Variants in CAMK2D observed in about 807,000 individuals in gnomAD.
CAMK2D encodes the protein calcium/calmodulin-dependent protein kinase type II subunit delta.
CAMK2D carries 37 observed loss-of-function variants against 84.0 expected under a neutral mutation model. The ratio of observed to expected loss-of-function variants is 0.44; its 90% CI spans 0.34 to 0.58. The LOEUF is 0.58. Among genes scored for constraint, CAMK2D ranks in the 20% least tolerant of loss-of-function variants. The probability of loss-of-function intolerance (pLI) is 0.02; values close to 1 mark genes in which losing one functional copy is unlikely to be tolerated. For synonymous variants in CAMK2D, 202 were observed against 212.5 expected (o/e 0.95, Z 0.43); for missense variants, 448 against 652.5 (o/e 0.69, Z 3.41).
At chr4:113,680,124 C>T (rs562854298) in intron 2 of CAMK2D, among the ~76,000 whole-genome samples, 65 of 152,074 alleles carry the variant, frequency 4.3e-4, no homozygotes, top group African/African-American at 1.5e-3. Flanking sequence ...CCAAGCCAGT[C>T]ACAAATTTTT....
intron 3 of CAMK2D, among the ~76,000 whole-genome samples, chr4:113,657,466 T>C (rs1250553879): frequency 6.6e-6 from 1 of 152,064 alleles, no homozygotes; most frequent in Non-Finnish European, 1.5e-5. Context: ...ATTTTCATGA[T>C]ATATCTAAAG....
chr4:113,639,051 T>A (rs1166436554), intron 3 of CAMK2D, among the ~76,000 whole-genome samples: 1 of 148,758 alleles, frequency 6.7e-6, no homozygotes, highest in Non-Finnish European at 1.5e-5. Flanking sequence ...GAGACCAGCC[T>A]GGGCAACATA....
intron 3 of CAMK2D, among the ~76,000 whole-genome samples, chr4:113,645,485 C>T (rs1318655402): frequency 6.6e-6 from 1 of 152,186 alleles, no homozygotes; most frequent in Admixed American, 6.5e-5. Flanking sequence ...AAAATATTTA[C>T]TATTGGGTGC....
At chr4:113,576,018 T>C (rs2098780094) in intron 4 of CAMK2D, among the ~76,000 whole-genome samples, 1 of 152,132 alleles carries the variant, frequency 6.6e-6, no homozygotes, top group African/African-American at 2.4e-5. Context: ...TACTCGGTCA[T>C]CACTTATTAA....
chr4:113,468,853 C>T (rs897703615), intron 16 of CAMK2D, among the ~76,000 whole-genome samples: 10 of 152,186 alleles, frequency 6.6e-5, no homozygotes, highest in African/African-American at 2.4e-4. Context: ...AAGCTTCTTC[C>T]ACTCCAGAGC....
chr4:113,687,748 T>C (rs1180909067), intron 2 of CAMK2D, among the ~76,000 whole-genome samples: 2 of 152,196 alleles, frequency 1.3e-5, no homozygotes, highest in African/African-American at 2.4e-5. Flanking sequence ...GCCAGTAACA[T>C]AAAAGCAGCC....
intron 3 of CAMK2D, among the ~76,000 whole-genome samples, chr4:113,654,807 T>C (rs2099191425): frequency 6.6e-6 from 1 of 151,904 alleles, no homozygotes; most frequent in South Asian, 2.1e-4. Context: ...AGATAATGTA[T>C]AGGATCTGCT....
chr4:113,612,810 A>G lies in CAMK2D; in HGVS notation c.221-3604T>C, dbSNP rs552385672. On this transcript the variant is annotated intron_variant, in intron 3 of 20. Coordinates refer to ENST00000511664, the MANE Select transcript of CAMK2D (RefSeq NM_001321571.2). ...TTCTGGAACTTTAAGTATGGAATTT[A>G]TAAGGGGGATAAAAGTGCTTCTGAG... 1.9e-4 allele frequency among the ~76,000 whole-genome samples: 29 copies of G among 152,334 alleles called. 1 individual carries two copies. Among genetic ancestry groups the G allele is most frequent in the Admixed American group, 1.6e-3 (24 of 15,294 alleles).
intron 16 of CAMK2D, among the ~76,000 whole-genome samples, chr4:113,468,945 C>T (rs753999987): frequency 5.9e-5 from 9 of 152,088 alleles, no homozygotes; most frequent in African/African-American, 2.2e-4. Context: ...TCATAGGACA[C>T]AAAGTACTTT....
At chr4:113,483,484 C>T (rs1356288193) in intron 16 of CAMK2D, among the ~76,000 whole-genome samples, 1 of 151,738 alleles carries the variant, frequency 6.6e-6, no homozygotes, top group Non-Finnish European at 1.5e-5. Context: ...CGGCTCACTT[C>T]AACCTCCGCC....
At chr4:113,477,125 C>T (rs1030621071) in intron 16 of CAMK2D, among the ~76,000 whole-genome samples, 1 of 152,116 alleles carries the variant, frequency 6.6e-6, no homozygotes, top group African/African-American at 2.4e-5. Flanking sequence ...AGTGTATTGG[C>T]CTTATCTGTA....
intron 3 of CAMK2D, among the ~76,000 whole-genome samples, chr4:113,646,986 G>A (rs573349886): frequency 2.0e-5 from 3 of 152,102 alleles, no homozygotes; most frequent in African/African-American, 4.8e-5. Context: ...CTAGTTTACC[G>A]AAAAACCTCA....
intron 10 of CAMK2D, 98 bp from the exon 11 acceptor site, chr4:113,514,011 T>A (rs2098252285): frequency 8.7e-6 from 5 of 573,150 alleles, no homozygotes; most frequent in Non-Finnish European, 1.5e-5. Flanking sequence ...TTAATGGTGC[T>A]GCACCTGCAG....
At chr4:113,594,750 G>C (rs1258675397) in intron 4 of CAMK2D, among the ~76,000 whole-genome samples, 1 of 152,100 alleles carries the variant, frequency 6.6e-6, no homozygotes, top group Admixed American at 6.6e-5. Flanking sequence ...GGAAGAAAAA[G>C]ACTGATAAAA....
chr4:113,711,687 C>T (rs182465853), intron 2 of CAMK2D, among the ~76,000 whole-genome samples: 1 of 152,252 alleles, frequency 6.6e-6, no homozygotes, highest in East Asian at 1.9e-4. Flanking sequence ...ACGGCTATCA[C>T]AGTGAAATGG....
chr4:113,629,843 T>C (rs1394580691), intron 3 of CAMK2D, among the ~76,000 whole-genome samples: 1 of 151,956 alleles, frequency 6.6e-6, no homozygotes, highest in Non-Finnish European at 1.5e-5. Flanking sequence ...TATTATTTTA[T>C]TGTGATAGCT....
intron 3 of CAMK2D, among the ~76,000 whole-genome samples, chr4:113,648,258 T>C (rs750844129): frequency 1.3e-5 from 2 of 152,224 alleles, no homozygotes; most frequent in African/African-American, 2.4e-5. Flanking sequence ...CTGTTTTATA[T>C]ATTAAATGTT....
chr4:113,736,258 A>G (rs773092023), intron 2 of CAMK2D, among the ~76,000 whole-genome samples: 1 of 152,100 alleles, frequency 6.6e-6, no homozygotes. Context: ...TTTAGATGCT[A>G]TTCTTCAATG....
At chr4:113,674,950 G>C (rs542948346) in intron 2 of CAMK2D, among the ~76,000 whole-genome samples, 1 of 152,090 alleles carries the variant, frequency 6.6e-6, no homozygotes, top group East Asian at 1.9e-4. Context: ...CTGGAAATAA[G>C]GGACTGTGAC....
Sources: gnomAD v4.1 joint callset for allele counts (sites outside exome capture counted in the v4.1 genomes callset) on GRCh38, gnomAD v4.1.1 for gene constraint, MANE v1.5 for transcripts, NCBI Gene and HGNC (gene_info 2026-07-23, HGNC 2026-07-21) for gene names.